Variants in SYNJ1 observed in about 807,000 individuals in gnomAD.
SYNJ1 encodes polyphosphatidylinositol phosphatase SYNJ1.
SYNJ1 carries 78 observed loss-of-function variants against 168.2 expected under a neutral mutation model. The ratio of observed to expected loss-of-function variants is 0.46; its 90% CI spans 0.39 to 0.56. SYNJ1 has a LOEUF of 0.56. Ranked by LOEUF, SYNJ1 falls within the 20% of genes least tolerant of loss-of-function variation. SYNJ1 has a pLI of 0.00. For synonymous variants in SYNJ1, 539 were observed against 548.6 expected (o/e 0.98, Z 0.24); for missense variants, 1,303 against 1,597.6 (o/e 0.82, Z 3.14).
intron 23 of SYNJ1, among the ~76,000 whole-genome samples, chr21:32,647,481 C>A (rs891346828): frequency 6.6e-6 from 1 of 152,198 alleles, no homozygotes; most frequent in African/African-American, 2.4e-5. Context: ...GAACTGCACT[C>A]TTCTGAAATA....
rs112513656 is a variant in SYNJ1, at chr21:32,692,364, A to G, written c.789+1864T>C. ...GGCCAAGGCAGGTGGATCACCTGAG[A>G]TCAGGAGTGCAAGACCAGTCTGGTC... On this transcript the variant is annotated intron_variant, in intron 6 of 32. Transcript: ENST00000674351. Among the ~76,000 whole-genome samples the G allele has an allele frequency of 7.4e-4, 113 of 152,014 alleles. 1 individual carries two copies. Among genetic ancestry groups the G allele is most frequent in the African/African-American group, 2.6e-3 (108 of 41,478 alleles).
intron 14 of SYNJ1, among the ~76,000 whole-genome samples, chr21:32,671,859 A>G (rs536300229): frequency 4.6e-5 from 7 of 152,088 alleles, no homozygotes; most frequent in African/African-American, 1.7e-4. Flanking sequence ...GGAGTTTGAG[A>G]CCAGCCTGGC....
chr21:32,684,079 G>C lies in SYNJ1; in HGVS notation c.1159C>G (p.Leu387Val). ...GTVRTNCLDC[L>V]DRTNSVQAFL... ...GCCTGCACACTATTTGTTCTATCAAGACAATCCAAGCAGTTTGTTCGAACT... is the reference window on the plus strand; with the variant it reads ...GCCTGCACACTATTTGTTCTATCAACACAATCCAAGCAGTTTGTTCGAACT... Residue 387 changes from leucine (L) to valine (V), a missense_variant, in exon 10 of 33, where the codon CTT becomes GTT. Leu to Val is a conservative substitution (Grantham distance 32, BLOSUM62 1). Around this residue, in one of 2 missense-constraint regions of SYNJ1, gnomAD observed 920 missense variants for 1,208.8 expected, o/e 0.76. Transcript: ENST00000674351. 6.2e-7 allele frequency: 1 copy of C among 1,613,616 alleles called. No homozygotes were observed. The highest frequency in any genetic ancestry group is 1.1e-5 in the South Asian group (1 of 91,054).
intron 14 of SYNJ1, among the ~76,000 whole-genome samples, chr21:32,671,616 C>T (rs1387623572): frequency 4.6e-5 from 7 of 152,322 alleles, no homozygotes; most frequent in African/African-American, 1.7e-4. Flanking sequence ...GTTTCCTCAT[C>T]TGTAAAATTG....
intron 18 of SYNJ1, among the ~76,000 whole-genome samples, chr21:32,660,638 C>T (rs2040658935): frequency 6.6e-6 from 1 of 152,256 alleles, no homozygotes; most frequent in South Asian, 2.1e-4. Flanking sequence ...GTCATTGAAG[C>T]CAAACCATTG....
intron 2 of SYNJ1, among the ~76,000 whole-genome samples, chr21:32,702,249 C>T (rs1299196445): frequency 1.3e-5 from 2 of 152,298 alleles, no homozygotes; most frequent in East Asian, 1.9e-4. Context: ...ATTAATTAAT[C>T]CATCCTGTCC....
At chr21:32,650,131 T>G (rs2040221758) in intron 23 of SYNJ1, 53 bp downstream of exon 23, 3 of 1,532,068 alleles carry the variant, frequency 2.0e-6, no homozygotes, top group East Asian at 4.6e-5. Flanking sequence ...CTTTACAGAT[T>G]GGAAGAAAAC....
rs79791733 is a variant in SYNJ1 at position 32,721,680 on chromosome 21, GA to G, written c.124+5091del. On this transcript the variant is annotated intron_variant, in intron 2 of 32. Coordinates refer to ENST00000674351, the MANE Select transcript of SYNJ1 (RefSeq NM_203446.3). Reference sequence around the variant, plus strand: ...GGTGACAGAGCAAGACTCCATCTTGGAAAAAAAAAAAAAGTAATTTTGAAAC... The same window carrying G: ...GGTGACAGAGCAAGACTCCATCTTGGAAAAAAAAAAAAGTAATTTTGAAAC... Among the ~76,000 whole-genome samples the G allele has an allele frequency of 3.0e-3, 411 of 135,248 alleles. 1 individual carries two copies. The highest frequency in any genetic ancestry group is 6.5e-3 in the African/African-American group (239 of 36,722). The allele number at this position is 135,248 out of a possible 152,430, so 88.7% of individuals were successfully genotyped here.
At chr21:32,720,098 G>A (rs2043166824) in intron 2 of SYNJ1, among the ~76,000 whole-genome samples, 1 of 152,082 alleles carries the variant, frequency 6.6e-6, no homozygotes, top group Non-Finnish European at 1.5e-5. Flanking sequence ...AATTAGCTGG[G>A]CGTGGTGCCA....
At chr21:32,641,673 T>G (rs2039842822) in intron 29 of SYNJ1, among the ~76,000 whole-genome samples, 2 of 152,262 alleles carry the variant, frequency 1.3e-5, no homozygotes. Context: ...CATAATTGTT[T>G]TAAGTGTATC....
intron 22 of SYNJ1, among the ~76,000 whole-genome samples, chr21:32,650,844 A>G (rs1435986101): frequency 1.3e-5 from 2 of 152,218 alleles, no homozygotes; most frequent in East Asian, 1.9e-4. Context: ...TAACCTATAC[A>G]GTTTTAGCAT....
In SYNJ1 at chr21:32,650,040, G is replaced by A. The variant is rs550536754; in HGVS notation, c.3037+144C>T. 1.6e-5 allele frequency: 16 copies of A among 985,340 alleles called. No individual in the cohort carries two copies. In the East Asian group the frequency reaches 2.8e-4, roughly 17 times the overall value. 61.0% of individuals were successfully genotyped at this position (985,340 alleles called of 1,614,324 possible). A position where few individuals can be genotyped will look rare whatever the true frequency, so the allele number is the denominator to read the frequency against. On this transcript the variant is annotated intron_variant, in intron 23 of 32. Transcript: ENST00000674351. ...GCTGTGATTGCAGGCATGAGCTGCC[G>A]CACCTGGCCAAAATACATTCTAATT...
chr21:32,666,264 G>T, intron 16 of SYNJ1, 129 bp from the exon 17 acceptor site: 4 of 1,415,174 alleles, frequency 2.8e-6, no homozygotes, highest in Non-Finnish European at 2.9e-6. Context: ...CTTTGAAATA[G>T]TACAGTGAAG....
intron 2 of SYNJ1, among the ~76,000 whole-genome samples, chr21:32,722,205 A>AAAAT (rs1286564956): frequency 1.7e-3 from 114 of 65,734 alleles, no homozygotes; most frequent in African/African-American, 5.3e-3. Flanking sequence ...AAAAAAAAAA[A>AAAAT]ATATATATAT....
intron 2 of SYNJ1, among the ~76,000 whole-genome samples, chr21:32,716,844 C>A (rs1030569879): frequency 1.3e-5 from 2 of 152,060 alleles, no homozygotes; most frequent in Non-Finnish European, 2.9e-5. Context: ...CCTTTTTTCT[C>A]TCTGTATTTT....
At chr21:32,660,820 G>C (rs1174575478) in intron 18 of SYNJ1, among the ~76,000 whole-genome samples, 1 of 152,190 alleles carries the variant, frequency 6.6e-6, no homozygotes, top group Admixed American at 6.5e-5. Flanking sequence ...TAGGGGAAAG[G>C]ACATAAAATA....
chr21:32,711,461 T>C (rs915325101), intron 2 of SYNJ1, among the ~76,000 whole-genome samples: 1 of 151,858 alleles, frequency 6.6e-6, no homozygotes, highest in Non-Finnish European at 1.5e-5. Context: ...GCCTCCAGAG[T>C]AGCTGGGACT....
At chr21:32,699,447 C>G (rs188110395) in intron 4 of SYNJ1, among the ~76,000 whole-genome samples, 13 of 152,292 alleles carry the variant, frequency 8.5e-5, no homozygotes, top group African/African-American at 2.9e-4. Flanking sequence ...ACTCATTATG[C>G]CTGCTCAGCT....
At chr21:32,668,059 A>G (rs1044962944) in intron 15 of SYNJ1, among the ~76,000 whole-genome samples, 6 of 150,282 alleles carry the variant, frequency 4.0e-5, no homozygotes, top group East Asian at 2.0e-4. Flanking sequence ...GCATGTGTGT[A>G]TATATATATA....
Sources: allele counts gnomAD v4.1 joint callset (sites outside exome capture counted in the v4.1 genomes callset), GRCh38; gene constraint gnomAD v4.1.1; regional missense constraint gnomAD v4.1.1; transcripts MANE v1.5; gene names NCBI Gene and HGNC (gene_info 2026-07-23, HGNC 2026-07-21).